The following KLHL1 variants were observed in gnomAD, a reference collection of about 807,000 sequenced individuals.
KLHL1 encodes the protein kelch-like protein 1.
In KLHL1, 47 loss-of-function variants were observed where a neutral mutation model predicts 77.7. The ratio of observed to expected loss-of-function variants is 0.60; its 90% CI spans 0.48 to 0.77. KLHL1 has a LOEUF of 0.77. Among genes scored for constraint, KLHL1 ranks in the 30% least tolerant of loss-of-function variants. The pLI is 0.00. For synonymous variants in KLHL1, 360 were observed against 325.2 expected, an observed-to-expected ratio of 1.11 and a Z score of -1.15; for missense variants, 925 against 910.8, an observed-to-expected ratio of 1.02 and a Z score of -0.20.
intron 4 of KLHL1, among the ~76,000 whole-genome samples, chr13:69,921,690 T>G (rs369096318): frequency 3.9e-4 from 60 of 152,264 alleles, no homozygotes; most frequent in African/African-American, 1.4e-3. Context: ...CATTTGTTTA[T>G]TCAATCAAAA....
At chr13:69,779,648 A>G (rs952219722) in intron 7 of KLHL1, among the ~76,000 whole-genome samples, 18 of 151,970 alleles carry the variant, frequency 1.2e-4, no homozygotes, top group African/African-American at 3.9e-4. Flanking sequence ...GTAAACACAT[A>G]TGTCTATATC....
intron 7 of KLHL1, among the ~76,000 whole-genome samples, chr13:69,781,299 T>C (rs1876189026): frequency 6.7e-6 from 1 of 149,562 alleles, no homozygotes. Context: ...TTTTTTTTTT[T>C]TTTTTTGTCA....
chr13:69,813,503 C>CACATAT (rs34163072), intron 6 of KLHL1, among the ~76,000 whole-genome samples: 3 of 148,838 alleles, frequency 2.0e-5, no homozygotes, highest in African/African-American at 7.5e-5. Context: ...CACACACACA[C>CACATAT]ATATATATAT....
intron 1 of KLHL1, among the ~76,000 whole-genome samples, chr13:70,051,468 A>T (rs1200938546): frequency 6.6e-6 from 1 of 152,048 alleles, no homozygotes; most frequent in Non-Finnish European, 1.5e-5. Context: ...TACTTTGGAA[A>T]AAACAATGCA....
In KLHL1 at chr13:70,089,867, G is replaced by A. The variant is rs1042373747; in HGVS notation, c.497+17336C>T. 5.2e-4 allele frequency among the ~76,000 whole-genome samples: 79 copies of A among 152,070 alleles called. 6 individuals carry two copies. Among genetic ancestry groups the A allele is most frequent in the Non-Finnish European group, 1.5e-5 (1 of 67,984 alleles). ...TAGCTAAGACAGCACTCTAGGGTTG[G>A]TGGAATGGTGAGAGAGAAATTGCTA... On this transcript the variant is annotated intron_variant, in intron 1 of 10. Transcript: ENST00000377844.
chr13:69,868,187 G>T (rs1465384951), intron 5 of KLHL1, among the ~76,000 whole-genome samples: 1 of 151,900 alleles, frequency 6.6e-6, no homozygotes. Context: ...CCAAAATACA[G>T]CAGACATATA....
intron 7 of KLHL1, among the ~76,000 whole-genome samples, chr13:69,787,166 G>T (rs181284779): frequency 0.011 from 1,734 of 152,172 alleles, 14 homozygotes; most frequent in Non-Finnish European, 0.018. Flanking sequence ...CTACTTTAAA[G>T]TTCATATGGA....
chr13:69,928,743 G>A (rs1213425532), intron 4 of KLHL1, among the ~76,000 whole-genome samples: 1 of 152,066 alleles, frequency 6.6e-6, no homozygotes, highest in East Asian at 1.9e-4. Flanking sequence ...ATAGATGAAG[G>A]TAGATTATTC....
At chr13:69,747,437 A>G (rs1874263371) in intron 7 of KLHL1, among the ~76,000 whole-genome samples, 1 of 152,074 alleles carries the variant, frequency 6.6e-6, no homozygotes, top group Non-Finnish European at 1.5e-5. Flanking sequence ...GGACAACTAG[A>G]ATAATTATCT....
chr13:69,852,365 C>T (rs1247509905), intron 5 of KLHL1, among the ~76,000 whole-genome samples: 1 of 151,780 alleles, frequency 6.6e-6, no homozygotes, highest in Non-Finnish European at 1.5e-5. Context: ...TAGGATGGTC[C>T]CAGAAATACC....
intron 1 of KLHL1, among the ~76,000 whole-genome samples, chr13:69,999,811 T>G (rs915733230): frequency 6.6e-6 from 1 of 152,092 alleles, no homozygotes; most frequent in Non-Finnish European, 1.5e-5. Context: ...AATGGATGGT[T>G]GTCTAAAAAG....
At position 70,025,377 on chromosome 13, in the gene KLHL1, T is replaced by G. The variant is rs145017192; in HGVS notation, c.498-49575A>C. On this transcript the variant is annotated intron_variant, in intron 1 of 10. Transcript: ENST00000377844. Reference sequence around the variant, plus strand: ...ATTTTATGCATCAATATAGATTCTCTGATATTTTACTTATTTATTATCTTA... The same window carrying G: ...ATTTTATGCATCAATATAGATTCTCGGATATTTTACTTATTTATTATCTTA... 4.3e-3 allele frequency among the ~76,000 whole-genome samples: 650 copies of G among 152,194 alleles called. 14 individuals carry two copies. The Middle Eastern group carries it at 0.051, about 12-fold the overall frequency.
At chr13:69,941,894 TCC>T (rs1241058837) in intron 3 of KLHL1, among the ~76,000 whole-genome samples, 1 of 151,272 alleles carries the variant, frequency 6.6e-6, no homozygotes. Flanking sequence ...AAATATACAA[TCC>T]CCCTAGATTA....
intron 1 of KLHL1, among the ~76,000 whole-genome samples, chr13:70,018,449 G>C (rs947267319): frequency 6.6e-6 from 1 of 152,094 alleles, no homozygotes; most frequent in East Asian, 1.9e-4. Context: ...AAGTAATAAG[G>C]ACCTCATCTA....
chr13:69,708,304 GT>G (rs1338925233), intron 9 of KLHL1, among the ~76,000 whole-genome samples: 1 of 151,934 alleles, frequency 6.6e-6, no homozygotes, highest in Non-Finnish European at 1.5e-5. Flanking sequence ...TTGTTGTTTT[GT>G]TTTGTTTTTT....
intron 6 of KLHL1, among the ~76,000 whole-genome samples, chr13:69,828,940 C>T (rs114920898): frequency 0.016 from 2,438 of 150,436 alleles, 258 homozygotes; most frequent in African/African-American, 0.056. Context: ...ATGCCTAACC[C>T]TGCACCCACC....
intron 6 of KLHL1, among the ~76,000 whole-genome samples, chr13:69,807,882 T>C (rs2138057332): frequency 6.6e-6 from 1 of 152,132 alleles, no homozygotes; most frequent in Admixed American, 6.5e-5. Context: ...TCTGTGTGGG[T>C]CATTGCTGGG....
At chr13:69,914,255 C>T (rs1020644596) in intron 4 of KLHL1, among the ~76,000 whole-genome samples, 5 of 152,114 alleles carry the variant, frequency 3.3e-5, no homozygotes, top group East Asian at 3.9e-4. Flanking sequence ...TTGACTGAGA[C>T]GCAGAGCACA....
chr13:69,831,485 A>T (rs1878759266), intron 6 of KLHL1, among the ~76,000 whole-genome samples: 1 of 149,804 alleles, frequency 6.7e-6, no homozygotes, highest in African/African-American at 2.5e-5. Context: ...GAAGTCCAGG[A>T]CCCAGTGGAT....
Sources: gnomAD v4.1 joint callset for allele counts (sites outside exome capture counted in the v4.1 genomes callset) on GRCh38, gnomAD v4.1.1 for gene constraint, MANE v1.5 for transcripts, NCBI Gene and HGNC (gene_info 2026-07-23, HGNC 2026-07-21) for gene names.